Variants in WDR35 observed in about 807,000 individuals in gnomAD.
WDR35 encodes the protein WD repeat domain 35, also known as WD repeat-containing protein 35.
In WDR35, 118 loss-of-function variants were observed where a neutral mutation model predicts 158.3. That is an observed-to-expected ratio of 0.75 (90% CI 0.64 to 0.87). WDR35 has a LOEUF of 0.87. Among genes scored for constraint, WDR35 ranks in the 40% least tolerant of loss-of-function variants. The pLI, the probability that WDR35 is intolerant of heterozygous loss-of-function variation, is 0.00. For synonymous variants in WDR35, 448 were observed against 476.1 expected, an observed-to-expected ratio of 0.94 and a Z score of 0.77; for missense variants, 1,263 against 1,405.8, an observed-to-expected ratio of 0.90 and a Z score of 1.62.
At chr2:19,923,782 CG>C (rs1178145058) in intron 25 of WDR35, among the ~76,000 whole-genome samples, 1 of 152,144 alleles carries the variant, frequency 6.6e-6, no homozygotes, top group Non-Finnish European at 1.5e-5. Flanking sequence ...CCCAGAACAA[CG>C]GGGAAATATT....
At chr2:19,987,238 C>T (rs1345399157) in intron 2 of WDR35, among the ~76,000 whole-genome samples, 1 of 152,164 alleles carries the variant, frequency 6.6e-6, no homozygotes, top group Non-Finnish European at 1.5e-5. Context: ...TGTTACTGGA[C>T]GGATCTGCTG....
At chr2:19,983,082 C>A (rs1672438828) in intron 2 of WDR35, among the ~76,000 whole-genome samples, 1 of 152,142 alleles carries the variant, frequency 6.6e-6, no homozygotes. Flanking sequence ...TACTCACATA[C>A]ACATAAATGT....
chr2:19,960,492 TTTAAA>T, intron 11 of WDR35, 57 bp downstream of exon 11: 1 of 1,373,756 alleles, frequency 7.3e-7, no homozygotes, highest in Non-Finnish European at 1.0e-6. Context: ...GTGTTAGGTT[TTTAAA>T]TTAGTGTTAC....
chr2:19,920,640 C>T (rs973621869), intron 25 of WDR35, among the ~76,000 whole-genome samples: 3 of 152,084 alleles, frequency 2.0e-5, no homozygotes, highest in South Asian at 2.1e-4. Context: ...ATGGGCATAA[C>T]CTGGAAGCAT....
intron 2 of WDR35, among the ~76,000 whole-genome samples, chr2:19,984,463 C>T (rs1216486773): frequency 2.0e-5 from 3 of 152,104 alleles, no homozygotes; most frequent in Non-Finnish European, 4.4e-5. Context: ...TCTGGTAATA[C>T]TGACATAAAT....
chr2:19,989,850 G>C (rs1382737073), intron 1 of WDR35, 142 bp downstream of exon 1: 3 of 1,387,698 alleles, frequency 2.2e-6, no homozygotes, highest in East Asian at 5.0e-5. Flanking sequence ...TCGGAGGCTG[G>C]ACCCGGCGGG....
chr2:19,971,773 G>A (rs904514997), intron 8 of WDR35, among the ~76,000 whole-genome samples: 11 of 152,136 alleles, frequency 7.2e-5, no homozygotes, highest in East Asian at 1.9e-4. Context: ...AGGAGAATAC[G>A]ACCATCTTCT....
At position 19,935,555 on chromosome 2, in the gene WDR35, T is replaced by C. The variant is rs1670665155; in HGVS notation, c.2463A>G (p.Leu821=). Reference sequence around the variant, plus strand: ...CCTCTAACATATAGTAACATTCAGCTAAGCGTTCCTGGTTCCGTCCTTGTA... The same window carrying C: ...CCTCTAACATATAGTAACATTCAGCCAAGCGTTCCTGGTTCCGTCCTTGTA... ...YYVQGRNQER[L]AECYYMLEDY... is the part of the protein sequence containing the mutation. The change falls in exon 21 of 27, where the codon TTA becomes TTG. Residue 821 remains leucine (L), a synonymous_variant. Coordinates refer to ENST00000281405, the MANE Select transcript of WDR35 (RefSeq NM_020779.4). 2 of 1,613,096 alleles carry C rather than the reference T, an allele frequency of 1.2e-6. No individual in the cohort carries two copies. The highest frequency in any genetic ancestry group is 2.2e-5 in the South Asian group (2 of 91,046).
chr2:19,917,147 G>A (rs1010979232), intron 25 of WDR35, among the ~76,000 whole-genome samples: 3 of 152,122 alleles, frequency 2.0e-5, no homozygotes, highest in East Asian at 1.9e-4. Flanking sequence ...TGCTGGAGAG[G>A]GGCCTGACTG....
intron 2 of WDR35, among the ~76,000 whole-genome samples, chr2:19,986,288 T>A (rs554020188): frequency 6.6e-6 from 1 of 152,318 alleles, no homozygotes; most frequent in South Asian, 2.1e-4. Flanking sequence ...GACACCCACG[T>A]CTGAAAAATC....
chr2:19,927,690 T>C (rs775813459), intron 25 of WDR35, among the ~76,000 whole-genome samples: 5 of 152,324 alleles, frequency 3.3e-5, no homozygotes, highest in Non-Finnish European at 5.9e-5. Context: ...AGAAGGACAC[T>C]CTACAAACTT....
rs750386546 is a variant in WDR35 at position 19,980,695 on chromosome 2, A to G, written c.303T>C (p.Tyr101=). The G allele has an allele frequency of 1.9e-5, 31 of 1,612,318 alleles. No homozygotes were observed. Among genetic ancestry groups the G allele is most frequent in the Non-Finnish European group, 2.6e-5 (31 of 1,178,586 alleles). The change falls in exon 4 of 27, where the codon TAT becomes TAC. Residue 101 remains tyrosine, a synonymous_variant. Coordinates refer to ENST00000281405, the MANE Select transcript of WDR35 (RefSeq NM_020779.4). ...ATCTCTCCTAGTAAAGTATACCTTT[A>G]TATAACATCCACACAATGATAAGCC... ...ENGLIIVWML[Y]KGSWIEEMIN...
At position 19,914,277 on chromosome 2, in the gene WDR35, G is replaced by A; in HGVS notation, c.3122C>T (p.Ala1041Val). The A allele has an allele frequency of 6.2e-7, 1 of 1,614,082 alleles. No homozygotes were observed. Among genetic ancestry groups the A allele is most frequent in the Non-Finnish European group, 8.5e-7 (1 of 1,179,966 alleles). The change falls in exon 26 of 27, where the codon GCT becomes GTT. Residue 1041 changes from alanine to valine, a missense_variant and splice_region_variant. By Grantham distance (64) the Ala-to-Val change is moderately conservative. Coordinates refer to ENST00000281405, the MANE Select transcript of WDR35 (RefSeq NM_020779.4). Reference sequence around the variant, plus strand: ...GTCTTCATAGTCTTTCAGGTGAAGAGCTAAGAAAAACAGGGCAATTGGGGT... The same window carrying A: ...GTCTTCATAGTCTTTCAGGTGAAGAACTAAGAAAAACAGGGCAATTGGGGT... ...EGCVDTALKT[A>V]LHLKDYEDII...
intron 17 of WDR35, among the ~76,000 whole-genome samples, chr2:19,940,294 G>C (rs1670832763): frequency 6.6e-6 from 1 of 152,074 alleles, no homozygotes; most frequent in East Asian, 1.9e-4. Context: ...TTGAGCCTGG[G>C]GGGCAGAGGC....
intron 5 of WDR35, among the ~76,000 whole-genome samples, chr2:19,976,686 T>C (rs960781914): frequency 2.3e-5 from 3 of 128,430 alleles, no homozygotes; most frequent in Non-Finnish European, 4.8e-5. Flanking sequence ...AGCCAATTGA[T>C]ACTTTTTTTT....
chr2:19,960,901 A>C (rs1224416907), intron 10 of WDR35, among the ~76,000 whole-genome samples: 1 of 152,214 alleles, frequency 6.6e-6, no homozygotes, highest in Non-Finnish European at 1.5e-5. Flanking sequence ...ACTTTTCATC[A>C]TTTATACAAG....
chr2:19,973,467 T>C, intron 8 of WDR35, 96 bp downstream of exon 8: 1 of 1,481,444 alleles, frequency 6.8e-7, no homozygotes, highest in Non-Finnish European at 9.3e-7. Flanking sequence ...AAAGAAAATG[T>C]GATAAGTTTA....
chr2:19,975,013 G>C (rs544110527), intron 6 of WDR35, among the ~76,000 whole-genome samples: 2 of 152,284 alleles, frequency 1.3e-5, no homozygotes, highest in South Asian at 4.2e-4. Flanking sequence ...ATCTATGATA[G>C]CTAAACCTTG....
chr2:19,929,727 G>GA (rs1670469311), intron 25 of WDR35, among the ~76,000 whole-genome samples: 1 of 152,040 alleles, frequency 6.6e-6, no homozygotes, highest in Non-Finnish European at 1.5e-5. Context: ...ACTGCTGAGG[G>GA]AAAAAACCAT....
Sources: gnomAD v4.1 joint callset for allele counts (sites outside exome capture counted in the v4.1 genomes callset) on GRCh38, gnomAD v4.1.1 for gene constraint, MANE v1.5 for transcripts, NCBI Gene and HGNC (gene_info 2026-07-23, HGNC 2026-07-21) for gene names.